The following KCTD8 variants were observed in gnomAD, a reference collection of about 807,000 sequenced individuals.
KCTD8 encodes BTB/POZ domain-containing protein KCTD8.
Under a neutral mutation model 31.5 loss-of-function variants are expected in KCTD8, and 27 were observed. The observed-to-expected ratio is 0.86, with a 90% CI of 0.63 to 1.18. The LOEUF is 1.18. Among genes scored for constraint, KCTD8 ranks in the 50% most tolerant of loss-of-function variants. The pLI is 0.00. For synonymous variants in KCTD8, 290 were observed against 280.0 expected (o/e 1.04, Z -0.36); for missense variants, 658 against 647.7 (o/e 1.02, Z -0.17).
In KCTD8 at chr4:44,394,495, G is replaced by C. The variant is rs182032344; in HGVS notation, c.961+53068C>G. ...AAGAAATTCAATGTCTGTGCAATATGTATTCCCATATTATCATATTTAATG... is the reference window on the plus strand; with the variant it reads ...AAGAAATTCAATGTCTGTGCAATATCTATTCCCATATTATCATATTTAATG... On this transcript the variant is annotated intron_variant, in intron 1 of 1. Transcript: ENST00000360029. Among the ~76,000 whole-genome samples, 38 of 152,170 alleles carry C rather than the reference G, an allele frequency of 2.5e-4. No individual in the cohort carries two copies. In the East Asian group the frequency reaches 6.8e-3, roughly 27 times the overall value.
chr4:44,180,960 T>A (rs1451634850), intron 1 of KCTD8, among the ~76,000 whole-genome samples: 1 of 152,084 alleles, frequency 6.6e-6, no homozygotes. Context: ...TTCAAAGAAT[T>A]TTAGGGGTCA....
At chr4:44,442,653 TC>T (rs1436320616) in intron 1 of KCTD8, among the ~76,000 whole-genome samples, 6 of 152,186 alleles carry the variant, frequency 3.9e-5, no homozygotes, top group South Asian at 2.1e-4. Context: ...AAGCAGACAA[TC>T]ATTTTCACAT....
At chr4:44,223,278 G>C (rs1002781381) in intron 1 of KCTD8, among the ~76,000 whole-genome samples, 9 of 152,162 alleles carry the variant, frequency 5.9e-5, no homozygotes, top group South Asian at 2.1e-4. Context: ...AATTAAGATA[G>C]AGAACACTGG....
At chr4:44,235,386 T>C (rs1345345509) in intron 1 of KCTD8, among the ~76,000 whole-genome samples, 1 of 148,784 alleles carries the variant, frequency 6.7e-6, no homozygotes, top group African/African-American at 2.5e-5. Flanking sequence ...TAGATATAGA[T>C]AGGTAGAGAT....
At chr4:44,440,458 C>T (rs1372007591) in intron 1 of KCTD8, among the ~76,000 whole-genome samples, 2 of 152,120 alleles carry the variant, frequency 1.3e-5, no homozygotes, top group Non-Finnish European at 2.9e-5. Context: ...TAACATAATT[C>T]ACAATTATAT....
rs922791318 is a variant in KCTD8 at position 44,426,844 on chromosome 4, C to A, written c.961+20719G>T. On this transcript the variant is annotated intron_variant, in intron 1 of 1. Transcript: ENST00000360029. ...TCTAGTTTCCATCTAGCATTATATT[C>A]ATTCCAAAATTAGGTAAAGATAGTA... Among the ~76,000 whole-genome samples, 6 of 151,652 alleles carry A rather than the reference C, an allele frequency of 4.0e-5. No homozygotes were observed. In the East Asian group the frequency reaches 1.2e-3, roughly 29 times the overall value.
chr4:44,237,347 T>C (rs1174471062), intron 1 of KCTD8, among the ~76,000 whole-genome samples: 1 of 152,206 alleles, frequency 6.6e-6, no homozygotes, highest in African/African-American at 2.4e-5. Context: ...TCTTCCCATT[T>C]TCAGATACAC....
intron 1 of KCTD8, among the ~76,000 whole-genome samples, chr4:44,312,132 A>C (rs1034521887): frequency 3.9e-5 from 6 of 152,100 alleles, no homozygotes; most frequent in African/African-American, 1.2e-4. Context: ...CTAAGTAAAA[A>C]ATATTGGAAA....
intron 1 of KCTD8, among the ~76,000 whole-genome samples, chr4:44,218,755 C>A (rs540602099): frequency 2.0e-5 from 3 of 152,032 alleles, no homozygotes; most frequent in African/African-American, 7.2e-5. Context: ...ATTCCTGGGT[C>A]AGTATAGCCT....
chr4:44,246,443 C>T (rs1000395014), intron 1 of KCTD8, among the ~76,000 whole-genome samples: 4 of 151,968 alleles, frequency 2.6e-5, no homozygotes, highest in Non-Finnish European at 4.4e-5. Flanking sequence ...GAATATGCTC[C>T]ATTGCTCATA....
At chr4:44,404,818 C>T (rs972999999) in intron 1 of KCTD8, among the ~76,000 whole-genome samples, 1 of 152,122 alleles carries the variant, frequency 6.6e-6, no homozygotes, top group African/African-American at 2.4e-5. Context: ...AGTAATGAAG[C>T]CTGTCAAGTA....
intron 1 of KCTD8, among the ~76,000 whole-genome samples, chr4:44,254,178 G>C (rs912440033): frequency 6.6e-6 from 1 of 151,868 alleles, no homozygotes; most frequent in African/African-American, 2.4e-5. Flanking sequence ...TTCAGAGAGA[G>C]ATTAGTTAAA....
chr4:44,333,110 C>T (rs1383468893), intron 1 of KCTD8, among the ~76,000 whole-genome samples: 1 of 152,048 alleles, frequency 6.6e-6, no homozygotes, highest in African/African-American at 2.4e-5. Context: ...ACTGATCACA[C>T]TAGTTCCTTC....
At chr4:44,419,524 T>C (rs761716999) in intron 1 of KCTD8, among the ~76,000 whole-genome samples, 5 of 152,078 alleles carry the variant, frequency 3.3e-5, no homozygotes, top group Non-Finnish European at 7.4e-5. Context: ...TGCAGCCATA[T>C]AAAAGGATGA....
chr4:44,246,332 C>T (rs1715663171), intron 1 of KCTD8, among the ~76,000 whole-genome samples: 1 of 151,860 alleles, frequency 6.6e-6, no homozygotes, highest in Non-Finnish European at 1.5e-5. Flanking sequence ...ATATTTTAGC[C>T]CGTATTTCTC....
intron 1 of KCTD8, among the ~76,000 whole-genome samples, chr4:44,286,363 T>C (rs1040324813): frequency 6.6e-6 from 1 of 152,174 alleles, no homozygotes. Flanking sequence ...TTTTAATTCA[T>C]GGCAACATTT....
At chr4:44,254,285 C>A (rs16856814) in intron 1 of KCTD8, among the ~76,000 whole-genome samples, 4,581 of 151,978 alleles carry the variant, frequency 0.03, 241 homozygotes, top group African/African-American at 0.11. Context: ...TAATTCCCAA[C>A]CACTATCCAG....
At chr4:44,276,039 T>C (rs928400043) in intron 1 of KCTD8, among the ~76,000 whole-genome samples, 3 of 152,018 alleles carry the variant, frequency 2.0e-5, no homozygotes, top group Admixed American at 6.6e-5. Flanking sequence ...GGGTGGTTAC[T>C]TCCATGGTCC....
rs762454343 is a variant in KCTD8 at position 44,447,875 on chromosome 4, A to G, written c.649T>C (p.Tyr217His). Residue 217 changes from tyrosine (Y) to histidine (H), a missense_variant, in exon 1 of 2, where the codon TAC becomes CAC. Coordinates refer to ENST00000360029, the MANE Select transcript of KCTD8 (RefSeq NM_198353.3). ...GFLTLGYRGSYTTVRDNQADA... is the reference protein window; with the variant it reads ...GFLTLGYRGSHTTVRDNQADA... The stretch of plus-strand genomic sequence containing the variant: ...GCCTGGTTGTCGCGCACGGTGGTGT[A>G]GGAGCCCCGGTAGCCCAGCGTGAGG... The G allele has an allele frequency of 3.5e-5, 55 of 1,556,912 alleles. No individual in the cohort carries two copies. The highest frequency in any genetic ancestry group is 4.7e-5 in the Non-Finnish European group (54 of 1,149,318).
Sources: gnomAD v4.1 joint callset for allele counts (sites outside exome capture counted in the v4.1 genomes callset) on GRCh38, gnomAD v4.1.1 for gene constraint, MANE v1.5 for transcripts, NCBI Gene and HGNC (gene_info 2026-07-23, HGNC 2026-07-21) for gene names.